The following LDLRAD4 variants were observed in gnomAD, a reference collection of about 807,000 sequenced individuals.
LDLRAD4 encodes low-density lipoprotein receptor class A domain-containing protein 4.
LDLRAD4 carries 5 observed loss-of-function variants against 17.0 expected under a neutral mutation model. That is an observed-to-expected ratio of 0.29 (90% CI 0.15 to 0.62). The LOEUF is 0.62. Among genes scored for constraint, LDLRAD4 ranks in the 20% least tolerant of loss-of-function variants. The pLI, the probability that LDLRAD4 is intolerant of heterozygous loss-of-function variation, is 0.84. For missense variants in LDLRAD4, 340 were observed against 424.7 expected (o/e 0.80, Z 1.75); for synonymous variants, 168 against 171.8 (o/e 0.98, Z 0.17).
chr18:13,592,033 G>A (rs892987311), intron 3 of LDLRAD4, among the ~76,000 whole-genome samples: 1 of 152,186 alleles, frequency 6.6e-6, no homozygotes, highest in Non-Finnish European at 1.5e-5. Context: ...CTCAGACAGA[G>A]CCAAAGGTGC....
intron 3 of LDLRAD4, among the ~76,000 whole-genome samples, chr18:13,463,572 T>C (rs1282606050): frequency 1.3e-5 from 2 of 152,258 alleles, no homozygotes; most frequent in Admixed American, 1.3e-4. Context: ...ATCACGCCTT[T>C]GGATGGCTTT....
intron 1 of LDLRAD4, among the ~76,000 whole-genome samples, chr18:13,265,634 G>A (rs1383828125): frequency 1.3e-5 from 2 of 152,178 alleles, no homozygotes; most frequent in Non-Finnish European, 2.9e-5. Context: ...GAAAGATGGG[G>A]TGGCTGATAT....
intron 3 of LDLRAD4, among the ~76,000 whole-genome samples, chr18:13,606,518 A>T (rs2095226128): frequency 6.6e-6 from 1 of 152,216 alleles, no homozygotes; most frequent in Non-Finnish European, 1.5e-5. Flanking sequence ...CTACCAGACG[A>T]CAGGGCTGGT....
At chr18:13,225,448 TGGCATGGGGCTAGCCC>T (rs909094488) in intron 1 of LDLRAD4, among the ~76,000 whole-genome samples, 1 of 152,200 alleles carries the variant, frequency 6.6e-6, no homozygotes, top group Non-Finnish European at 1.5e-5. Flanking sequence ...TGAGCCTTTG[TGGCATGGGGCTAGCCC>T]GGCATGGGGC....
chr18:13,459,817 C>G (rs865931242), intron 3 of LDLRAD4: 4 of 153,592 alleles, frequency 2.6e-5, no homozygotes, highest in Middle Eastern at 6.9e-4. Flanking sequence ...TACATTTTCT[C>G]AGGCAGTGCT....
At chr18:13,484,647 T>C (rs1402491771) in intron 3 of LDLRAD4, among the ~76,000 whole-genome samples, 2 of 152,086 alleles carry the variant, frequency 1.3e-5, no homozygotes, top group African/African-American at 4.8e-5. Context: ...AACGAATCAC[T>C]TTCTATCTCA....
intron 1 of LDLRAD4, among the ~76,000 whole-genome samples, chr18:13,249,837 G>T (rs2043145915): frequency 6.6e-6 from 1 of 152,118 alleles, no homozygotes; most frequent in Admixed American, 6.6e-5. Context: ...CCAATGTCTT[G>T]AAGCATTTCC....
intron 1 of LDLRAD4, among the ~76,000 whole-genome samples, chr18:13,350,183 C>G (rs1354499500): frequency 6.6e-6 from 1 of 152,132 alleles, no homozygotes; most frequent in African/African-American, 2.4e-5. Flanking sequence ...ATTTCTGGTT[C>G]TAGATCCTTG....
intron 3 of LDLRAD4, among the ~76,000 whole-genome samples, chr18:13,557,381 C>A (rs528257133): frequency 3.3e-4 from 51 of 152,308 alleles, no homozygotes; most frequent in African/African-American, 1.2e-3. Context: ...AACACTAGTG[C>A]CTAAGGATGG....
intron 3 of LDLRAD4, among the ~76,000 whole-genome samples, chr18:13,610,052 A>AACAC (rs1167591175): frequency 4.6e-5 from 7 of 152,198 alleles, no homozygotes; most frequent in Non-Finnish European, 8.8e-5. Context: ...AAGCTAGCCA[A>AACAC]ACACAGTAAG....
intron 1 of LDLRAD4, among the ~76,000 whole-genome samples, chr18:13,361,170 T>C (rs1171485258): frequency 6.6e-6 from 1 of 152,166 alleles, no homozygotes; most frequent in African/African-American, 2.4e-5. Context: ...CTCCGCCTCC[T>C]GGGTTCACGC....
intron 3 of LDLRAD4, among the ~76,000 whole-genome samples, chr18:13,456,787 G>A (rs1451728733): frequency 2.6e-5 from 4 of 152,176 alleles, no homozygotes; most frequent in Non-Finnish European, 5.9e-5. Flanking sequence ...ATCAGTGCGG[G>A]TTTGAGCCCC....
intron 1 of LDLRAD4, among the ~76,000 whole-genome samples, chr18:13,345,862 G>A (rs1329276045): frequency 6.6e-6 from 1 of 152,192 alleles, no homozygotes; most frequent in East Asian, 1.9e-4. Flanking sequence ...TAGTTTATTT[G>A]CATAGAGGTG....
intron 4 of LDLRAD4, among the ~76,000 whole-genome samples, chr18:13,629,385 T>C (rs1015846367): frequency 2.6e-5 from 4 of 152,180 alleles, no homozygotes; most frequent in Admixed American, 2.0e-4. Flanking sequence ...TACAAACTGA[T>C]CTGTAGAGAA....
chr18:13,606,441 A>G (rs371808662), intron 3 of LDLRAD4, among the ~76,000 whole-genome samples: 1 of 152,158 alleles, frequency 6.6e-6, no homozygotes, highest in Non-Finnish European at 1.5e-5. Flanking sequence ...TATTTAATAC[A>G]TTTGTAATCC....
chr18:13,543,231 G>A (rs1421678078), intron 3 of LDLRAD4: 1 of 152,166 alleles, frequency 6.6e-6, no homozygotes, highest in Non-Finnish European at 1.5e-5. Context: ...TTTAGGGCCT[G>A]GGACAACCAC....
chr18:13,490,037 C>G (rs1331526754), intron 3 of LDLRAD4: 1 of 152,058 alleles, frequency 6.6e-6, no homozygotes, highest in African/African-American at 2.4e-5. Flanking sequence ...GTGTGCTTTT[C>G]CTAAACCACC....
chr18:13,514,697 C>T (rs1842717626), intron 3 of LDLRAD4: 1 of 152,212 alleles, frequency 6.6e-6, no homozygotes, highest in Non-Finnish European at 1.5e-5. Flanking sequence ...CCACCTTGGA[C>T]AGCTGTGTCT....
intron 3 of LDLRAD4, chr18:13,521,161 C>T (rs2093947504): frequency 6.6e-6 from 1 of 152,174 alleles, no homozygotes; most frequent in South Asian, 2.1e-4. Context: ...CCATGAAGGG[C>T]AGTTTGGGAG....
Sources: gnomAD v4.1 joint callset for allele counts (sites outside exome capture counted in the v4.1 genomes callset) on GRCh38, gnomAD v4.1.1 for gene constraint, MANE v1.5 for transcripts, NCBI Gene and HGNC (gene_info 2026-07-23, HGNC 2026-07-21) for gene names.